Variants in NUP93 observed in about 807,000 individuals in gnomAD.
NUP93 encodes the protein nucleoporin 93, also known as nuclear pore complex protein Nup93.
A neutral mutation model predicts 107.8 loss-of-function variants in NUP93; 55 were observed. The ratio of observed to expected loss-of-function variants is 0.51; its 90% CI spans 0.41 to 0.64. The LOEUF (loss-of-function observed/expected upper bound fraction) is 0.64. NUP93 is among the 30% of genes least tolerant of loss of function. The pLI is 0.00. For missense variants in NUP93, 937 were observed against 1,044.7 expected (o/e 0.90, Z 1.42); for synonymous variants, 390 against 397.5 (o/e 0.98, Z 0.22).
chr16:56,781,974 T>C (rs1962523806), intron 3 of NUP93: 2 of 985,292 alleles, frequency 2.0e-6, no homozygotes, highest in Admixed American at 6.2e-5. Flanking sequence ...AATTTGACTC[T>C]TTAGTGCTTC....
intron 1 of NUP93, among the ~76,000 whole-genome samples, chr16:56,735,340 C>T (rs549039545): frequency 6.6e-6 from 1 of 152,276 alleles, no homozygotes; most frequent in East Asian, 1.9e-4. Context: ...GAGCTCAGGG[C>T]TGCAGTGGAA....
chr16:56,832,796 T>A (rs1963823180), intron 12 of NUP93, among the ~76,000 whole-genome samples: 1 of 152,184 alleles, frequency 6.6e-6, no homozygotes, highest in African/African-American at 2.4e-5. Context: ...TTCCAAATAG[T>A]GGTTACCAGT....
Position 56,841,715 on chromosome 16 carries a change from A to G in NUP93, c.2231A>G (p.Asn744Ser), listed in dbSNP as rs762777449. 17 of 1,613,850 alleles carry G rather than the reference A, an allele frequency of 1.1e-5. No individual in the cohort carries two copies. The highest frequency in any genetic ancestry group is 8.9e-5 in the East Asian group (4 of 44,890). The change falls in exon 21 of 22, where the codon AAC (asparagine) becomes AGC (serine). Residue 744 changes from asparagine to serine, a missense_variant. Transcript: ENST00000308159. Reference sequence around the variant, plus strand: ...TTTCTCTCTATGTAGATCAGGCACAACCTCTCAGAAGTGCTTCTTGCCACC... The same window carrying G: ...TTTCTCTCTATGTAGATCAGGCACAGCCTCTCAGAAGTGCTTCTTGCCACC... The part of the protein sequence containing the change: ...FRNFSDEIRH[N>S]LSEVLLATMN...
At chr16:56,761,979 AT>A (rs1567379355) in intron 3 of NUP93, among the ~76,000 whole-genome samples, 1 of 152,172 alleles carries the variant, frequency 6.6e-6, no homozygotes, top group African/African-American at 2.4e-5. Context: ...TACTAGTAGA[AT>A]TTTTTTAATG....
At chr16:56,794,959 A>C (rs1215292027) in intron 3 of NUP93, among the ~76,000 whole-genome samples, 3 of 131,066 alleles carry the variant, frequency 2.3e-5, no homozygotes, top group African/African-American at 8.5e-5. Flanking sequence ...AAAAAAAAAA[A>C]GAATTGGATA....
At chr16:56,798,408 G>A in intron 3 of NUP93, 68 bp from the exon 4 acceptor site, 2 of 1,311,742 alleles carry the variant, frequency 1.5e-6, no homozygotes, top group Admixed American at 1.7e-5. Flanking sequence ...GTTATTGTTT[G>A]CCCTGCAGTA....
chr16:56,823,911 C>G (rs1963603921), intron 8 of NUP93, 65 bp downstream of exon 8: 6 of 1,574,812 alleles, frequency 3.8e-6, no homozygotes, highest in Non-Finnish European at 5.2e-6. Context: ...TTTCTCAGAT[C>G]TTAAGTTGTC....
chr16:56,777,020 G>GCGTGTGTGTGTGTGCACGCA (rs1164907952), intron 3 of NUP93, among the ~76,000 whole-genome samples: 2 of 152,188 alleles, frequency 1.3e-5, no homozygotes, highest in South Asian at 2.1e-4. Flanking sequence ...GAGAGAGTGA[G>GCGTGTGTGTGTGTGCACGCA]CGTGTGTGTG....
At chr16:56,750,159 A>C (rs1190806409) in intron 2 of NUP93, among the ~76,000 whole-genome samples, 9 of 152,212 alleles carry the variant, frequency 5.9e-5, no homozygotes, top group African/African-American at 2.2e-4. Context: ...CTCTCTTGTA[A>C]ATTTCCATTC....
chr16:56,735,998 G>C (rs1465702042), intron 1 of NUP93, among the ~76,000 whole-genome samples: 1 of 152,120 alleles, frequency 6.6e-6, no homozygotes, highest in Non-Finnish European at 1.5e-5. Flanking sequence ...GCAATAGTTA[G>C]AGGATGTTGC....
chr16:56,805,124 C>T lies in NUP93; in HGVS notation c.361-380C>T, dbSNP rs112990570. 4.4e-3 allele frequency among the ~76,000 whole-genome samples: 668 copies of T among 152,128 alleles called. 6 individuals carry two copies. Among genetic ancestry groups the T allele is most frequent in the African/African-American group, 0.016 (644 of 41,502 alleles). ...CCAGGAGGGAATGCAATGTTGCGAT[C>T]ACAGCTCACTGCAGCCTCGACTTCC... On this transcript the variant is annotated intron_variant, in intron 4 of 21. Coordinates refer to ENST00000308159, the MANE Select transcript of NUP93 (RefSeq NM_014669.5).
intron 2 of NUP93, among the ~76,000 whole-genome samples, chr16:56,756,761 A>G (rs1303166976): frequency 6.6e-6 from 1 of 152,202 alleles, no homozygotes; most frequent in Non-Finnish European, 1.5e-5. Flanking sequence ...TCCCACCAAC[A>G]GTGTAAAAGC....
intron 2 of NUP93, among the ~76,000 whole-genome samples, chr16:56,750,340 A>G (rs1396115100): frequency 6.6e-6 from 1 of 152,244 alleles, no homozygotes; most frequent in African/African-American, 2.4e-5. Context: ...TGAATATTTT[A>G]GTACATACAA....
intron 1 of NUP93, among the ~76,000 whole-genome samples, chr16:56,738,926 A>G (rs1961655431): frequency 6.7e-6 from 1 of 149,846 alleles, no homozygotes; most frequent in Non-Finnish European, 1.5e-5. Flanking sequence ...GTTTCTGCTT[A>G]AAATTAAATG....
intron 4 of NUP93, among the ~76,000 whole-genome samples, chr16:56,801,271 A>T (rs374974275): frequency 6.6e-6 from 1 of 152,296 alleles, no homozygotes; most frequent in East Asian, 1.9e-4. Flanking sequence ...TCAGATGTGG[A>T]TATAAACAGA....
intron 3 of NUP93, among the ~76,000 whole-genome samples, chr16:56,771,205 T>C (rs1024252726): frequency 6.6e-6 from 1 of 152,228 alleles, no homozygotes; most frequent in African/African-American, 2.4e-5. Flanking sequence ...CATAATCTTT[T>C]CATTTGTATA....
At chr16:56,738,463 C>T (rs1961647128) in intron 1 of NUP93, among the ~76,000 whole-genome samples, 2 of 152,186 alleles carry the variant, frequency 1.3e-5, no homozygotes, top group African/African-American at 4.8e-5. Flanking sequence ...GGCAGTACTG[C>T]TACTAAATCA....
At chr16:56,806,407 C>A (rs1262858211) in intron 5 of NUP93, among the ~76,000 whole-genome samples, 1 of 152,052 alleles carries the variant, frequency 6.6e-6, no homozygotes, top group African/African-American at 2.4e-5. Context: ...GGCCTCCTAA[C>A]TGGTTGTTGT....
chr16:56,839,341 C>G, intron 19 of NUP93, 180 bp from the exon 20 acceptor site: 1 of 354,588 alleles, frequency 2.8e-6, no homozygotes. Context: ...AAAATTGTGT[C>G]AGGAAATGAT....
Sources: gnomAD v4.1 joint callset for allele counts (sites outside exome capture counted in the v4.1 genomes callset) on GRCh38, gnomAD v4.1.1 for gene constraint, MANE v1.5 for transcripts, NCBI Gene and HGNC (gene_info 2026-07-23, HGNC 2026-07-21) for gene names.